The following KLHL29 variants were observed in gnomAD, a reference collection of about 807,000 sequenced individuals.
KLHL29 encodes the protein kelch like family member 29.
Under a neutral mutation model 80.4 loss-of-function variants are expected in KLHL29, and 21 were observed. The observed-to-expected ratio is 0.26, with a 90% CI of 0.19 to 0.38. The LOEUF (loss-of-function observed/expected upper bound fraction) is 0.38, where lower values mean the gene tolerates loss of function less well. Ranked by LOEUF, KLHL29 falls within the 10% of genes least tolerant of loss-of-function variation. The probability of loss-of-function intolerance (pLI) is 1.00; values close to 1 mark genes in which losing one functional copy is unlikely to be tolerated. For synonymous variants in KLHL29, 511 were observed against 526.8 expected (o/e 0.97, Z 0.41); for missense variants, 867 against 1,223.9 (o/e 0.71, Z 4.35).
At chr2:23,690,431 CCT>C (rs965630482) in intron 6 of KLHL29, 1 of 152,280 alleles carries the variant, frequency 6.6e-6, no homozygotes, top group African/African-American at 2.4e-5. Context: ...CAGCAGCTGG[CCT>C]CTCTGCGGCC....
intron 1 of KLHL29, among the ~76,000 whole-genome samples, chr2:23,401,522 G>C (rs577523764): frequency 2.6e-5 from 4 of 152,192 alleles, no homozygotes; most frequent in Non-Finnish European, 5.9e-5. Context: ...TACAGGAGCC[G>C]AGGGCTATGT....
intron 3 of KLHL29, among the ~76,000 whole-genome samples, chr2:23,605,827 T>C (rs1668707469): frequency 6.6e-6 from 1 of 150,910 alleles, no homozygotes. Context: ...TGGAGTGCAG[T>C]GGTGTGATCT....
chr2:23,425,204 C>A (rs1242034593), intron 1 of KLHL29, among the ~76,000 whole-genome samples: 1 of 151,910 alleles, frequency 6.6e-6, no homozygotes, highest in Non-Finnish European at 1.5e-5. Context: ...ATAAGCCATG[C>A]AAAAATGATA....
rs186851689 is a variant in KLHL29, at chr2:23,467,148, G to A, written c.-153-8412G>A. Among the ~76,000 whole-genome samples the A allele has an allele frequency of 1.8e-3, 272 of 152,278 alleles. 2 individuals are homozygous for A. The highest frequency in any genetic ancestry group is 3.1e-3 in the Admixed American group (47 of 15,304). ...AGACATCAATTCGTGCCAGGCTGTG[G>A]CTCCATGATGGGTACCTCCGTGCTG... On this transcript the variant is annotated intron_variant, in intron 1 of 13. Transcript: ENST00000486442.
At chr2:23,401,434 C>T (rs1415744741) in intron 1 of KLHL29, among the ~76,000 whole-genome samples, 2 of 152,218 alleles carry the variant, frequency 1.3e-5, no homozygotes, top group East Asian at 3.8e-4. Flanking sequence ...CTTGGACATG[C>T]ACCTGTGATT....
chr2:23,554,615 CTG>C (rs760827060), intron 2 of KLHL29, among the ~76,000 whole-genome samples: 8 of 152,210 alleles, frequency 5.3e-5, no homozygotes, highest in Non-Finnish European at 8.8e-5. Context: ...AGCCAGAATA[CTG>C]TGTGTCACCG....
In KLHL29 at chr2:23,385,623, G is replaced by A; in HGVS notation, c.-311G>A. ...GGGAGAAGGCGGAGAGCAGGAACGC[G>A]AGGAGGAGGACCTGGATCCGTTTCC... On this transcript the variant is annotated 5_prime_UTR_variant, in exon 1 of 14. Coordinates refer to ENST00000486442, the MANE Select transcript of KLHL29 (RefSeq NM_052920.2). 1 of 167,988 alleles carries A rather than the reference G, an allele frequency of 6.0e-6. No individual in the cohort carries two copies. Among genetic ancestry groups the A allele is most frequent in the South Asian group, 1.9e-4 (1 of 5,336 alleles). The allele number at this position is 167,988 out of a possible 1,614,324, so 10.4% of individuals were successfully genotyped here.
chr2:23,556,776 G>C (rs1667308730), intron 2 of KLHL29, among the ~76,000 whole-genome samples: 1 of 152,166 alleles, frequency 6.6e-6, no homozygotes, highest in African/African-American at 2.4e-5. Flanking sequence ...TAAAATACCT[G>C]TGAGGCCTTT....
intron 2 of KLHL29, among the ~76,000 whole-genome samples, chr2:23,535,558 T>C (rs1232682412): frequency 2.0e-5 from 3 of 152,244 alleles, no homozygotes; most frequent in Admixed American, 6.5e-5. Flanking sequence ...TTGAATATTA[T>C]CTAGCCTTAA....
chr2:23,444,764 G>A (rs563573823), intron 1 of KLHL29, among the ~76,000 whole-genome samples: 3 of 152,016 alleles, frequency 2.0e-5, no homozygotes, highest in Non-Finnish European at 4.4e-5. Context: ...GCTTTTCTTG[G>A]CACTTTCTTT....
At chr2:23,588,898 C>T (rs1668182975) in intron 3 of KLHL29, among the ~76,000 whole-genome samples, 1 of 152,340 alleles carries the variant, frequency 6.6e-6, no homozygotes, top group African/African-American at 2.4e-5. Context: ...GAGGCAATCT[C>T]CACACTCTCA....
intron 2 of KLHL29, among the ~76,000 whole-genome samples, chr2:23,553,967 C>T (rs548734545): frequency 1.6e-4 from 24 of 152,236 alleles, no homozygotes; most frequent in African/African-American, 5.5e-4. Flanking sequence ...GAAGAGAGGG[C>T]GCATCAAAGA....
chr2:23,526,362 G>A (rs1248991604), intron 2 of KLHL29, among the ~76,000 whole-genome samples: 2 of 152,248 alleles, frequency 1.3e-5, no homozygotes, highest in East Asian at 1.9e-4. Context: ...CACAAATGCT[G>A]CGCTCTTGGC....
At chr2:23,547,682 GA>G (rs1371886026) in intron 2 of KLHL29, among the ~76,000 whole-genome samples, 2 of 151,992 alleles carry the variant, frequency 1.3e-5, no homozygotes, top group Non-Finnish European at 2.9e-5. Context: ...CCTCCCCCGA[GA>G]AAAACCCCAA....
At chr2:23,483,669 T>G (rs187417207) in intron 2 of KLHL29, among the ~76,000 whole-genome samples, 49 of 152,294 alleles carry the variant, frequency 3.2e-4, no homozygotes, top group African/African-American at 1.2e-3. Context: ...CATAGCTTCC[T>G]CTCCTGGATC....
chr2:23,612,235 A>G (rs1572437733), intron 3 of KLHL29, among the ~76,000 whole-genome samples: 1 of 152,360 alleles, frequency 6.6e-6, no homozygotes, highest in East Asian at 1.9e-4. Flanking sequence ...AAGCAGGTGG[A>G]AGGGAAAGAC....
intron 5 of KLHL29, among the ~76,000 whole-genome samples, chr2:23,653,165 G>A (rs1332078791): frequency 6.6e-6 from 1 of 152,158 alleles, no homozygotes; most frequent in Non-Finnish European, 1.5e-5. Context: ...TGTCAGAGTA[G>A]GATGCTACCT....
At chr2:23,481,809 C>T (rs919729641) in intron 2 of KLHL29, among the ~76,000 whole-genome samples, 1 of 151,982 alleles carries the variant, frequency 6.6e-6, no homozygotes. Flanking sequence ...CCCAACTGTT[C>T]GGGAGGCTGA....
At chr2:23,648,928 TCTGTAA>T (rs1321148800) in intron 5 of KLHL29, among the ~76,000 whole-genome samples, 1 of 152,324 alleles carries the variant, frequency 6.6e-6, no homozygotes, top group Non-Finnish European at 1.5e-5. Flanking sequence ...AGTTTCCACA[TCTGTAA>T]CTTGGAGGTA....
Sources: allele counts gnomAD v4.1 joint callset (sites outside exome capture counted in the v4.1 genomes callset), GRCh38; gene constraint gnomAD v4.1.1; transcripts MANE v1.5; gene names NCBI Gene and HGNC (gene_info 2026-07-23, HGNC 2026-07-21).